PRDM6: variants seen among roughly 807,000 people sequenced by gnomAD.
PRDM6 encodes the protein putative histone-lysine N-methyltransferase PRDM6.
PRDM6 carries 25 observed loss-of-function variants against 60.8 expected under a neutral mutation model. The ratio of observed to expected loss-of-function variants is 0.41; its 90% CI spans 0.30 to 0.57. The LOEUF (loss-of-function observed/expected upper bound fraction) is 0.57. PRDM6 is among the 20% of genes least tolerant of loss of function. The pLI is 0.27. For missense variants in PRDM6, 839 were observed against 821.3 expected (o/e 1.02, Z -0.26); for synonymous variants, 407 against 357.4 (o/e 1.14, Z -1.57).
chr5:123,182,078 G>C (rs1766177825), intron 7 of PRDM6, among the ~76,000 whole-genome samples: 2 of 152,126 alleles, frequency 1.3e-5, no homozygotes, highest in South Asian at 4.1e-4. Context: ...CTAAAATCAA[G>C]TCTGTACTAT....
At position 123,171,006 on chromosome 5, in the gene PRDM6, C is replaced by T. The variant is rs1196565924; in HGVS notation, c.1394C>T (p.Ser465Leu). ...CCAACTTCCACAAGCCAGCTCCACT[C>T]GGAGTTCAGTGACTGGCATCTTTGG... ...ASPTSTSQLH[S>L]EFSDWHLWKC... The change falls in exon 6 of 8, where the codon TCG (serine) becomes TTG (leucine). Residue 465 changes from serine (S) to leucine (L), a missense_variant. By Grantham distance (145) the Ser-to-Leu change is moderately radical. Coordinates refer to ENST00000407847, the MANE Select transcript of PRDM6 (RefSeq NM_001136239.4). The T allele has an allele frequency of 7.1e-6, 11 of 1,551,932 alleles. No homozygotes were observed. In the East Asian group the frequency reaches 7.3e-5, roughly 10 times the overall value.
At chr5:123,134,393 C>G (rs1188670228) in intron 3 of PRDM6, among the ~76,000 whole-genome samples, 1 of 151,882 alleles carries the variant, frequency 6.6e-6, no homozygotes, top group South Asian at 2.1e-4. Flanking sequence ...TAGAAAAAAA[C>G]TGAGTAAAAA....
chr5:123,111,423 G>C (rs945988685), intron 3 of PRDM6, among the ~76,000 whole-genome samples: 2 of 152,216 alleles, frequency 1.3e-5, no homozygotes, highest in African/African-American at 4.8e-5. Flanking sequence ...CGCCGGCAGG[G>C]CGCGGTGGCT....
At chr5:123,109,183 A>G (rs1330715725) in intron 3 of PRDM6, among the ~76,000 whole-genome samples, 1 of 99,398 alleles carries the variant, frequency 1.0e-5, no homozygotes, top group Non-Finnish European at 2.1e-5. Context: ...CTTTTTATAC[A>G]TGAAAGTGTT....
chr5:123,174,425 C>A (rs576120563), intron 6 of PRDM6, among the ~76,000 whole-genome samples: 1 of 152,246 alleles, frequency 6.6e-6, no homozygotes, highest in Non-Finnish European at 1.5e-5. Context: ...GAAAATCTTG[C>A]TAGAACCAGG....
intron 5 of PRDM6, among the ~76,000 whole-genome samples, chr5:123,161,382 T>G (rs1362793454): frequency 6.6e-6 from 1 of 152,134 alleles, no homozygotes; most frequent in African/African-American, 2.4e-5. Flanking sequence ...TCAACAGATA[T>G]ATAAGTGAAT....
chr5:123,141,691 T>C (rs1765107086), intron 3 of PRDM6, among the ~76,000 whole-genome samples: 1 of 152,166 alleles, frequency 6.6e-6, no homozygotes, highest in Admixed American at 6.5e-5. Context: ...ATTTCTTCTG[T>C]ATTTAGCTAT....
chr5:123,179,731 G>C (rs1273241373), intron 6 of PRDM6, among the ~76,000 whole-genome samples: 1 of 138,316 alleles, frequency 7.2e-6, no homozygotes, highest in East Asian at 3.1e-4. Flanking sequence ...AGATTAAACT[G>C]GATAACTGAT....
rs1361162731 is a variant in PRDM6 at position 123,193,494 on chromosome 5, T to C, written c.*6293T>C. ...TTGTAGACTTACTTTCTCTGAACAA[T>C]CTAGTACACTTCTCTAGTTTCTCCC... is the stretch of plus-strand genomic sequence containing the variant. On this transcript the variant is annotated 3_prime_UTR_variant, in exon 8 of 8. Transcript: ENST00000407847. The C allele has an allele frequency of 2.0e-5, 3 of 152,174 alleles. No homozygotes were observed. Among genetic ancestry groups the C allele is most frequent in the African/African-American group, 4.8e-5 (2 of 41,436 alleles). The allele number at this position is 152,174 out of a possible 1,614,324, so 9.4% of individuals were successfully genotyped here. A position where few individuals can be genotyped will look rare whatever the true frequency, so the allele number is the denominator to read the frequency against.
chr5:123,147,127 CATTTGTAAATT>C (rs1414009391), intron 3 of PRDM6, among the ~76,000 whole-genome samples: 3 of 152,002 alleles, frequency 2.0e-5, no homozygotes, highest in African/African-American at 7.3e-5. Flanking sequence ...AAATTCATTT[CATTTGTAAATT>C]ATTTAATAGA....
chr5:123,160,096 G>C (rs1196933473), intron 5 of PRDM6, among the ~76,000 whole-genome samples: 1 of 152,150 alleles, frequency 6.6e-6, no homozygotes, highest in Non-Finnish European at 1.5e-5. Flanking sequence ...TAGTTGATTG[G>C]GTGTGCTTCC....
At chr5:123,155,456 G>A (rs1765471089) in intron 3 of PRDM6, among the ~76,000 whole-genome samples, 1 of 151,830 alleles carries the variant, frequency 6.6e-6, no homozygotes, top group Non-Finnish European at 1.5e-5. Context: ...TGAACAGACA[G>A]TTACTGCCTC....
rs1008847699 is a variant in PRDM6 at position 123,099,754 on chromosome 5, C to T, written c.693C>T (p.Ala231=). 1.6e-5 allele frequency: 25 copies of T among 1,546,190 alleles called. No individual in the cohort carries two copies. The highest frequency in any genetic ancestry group is 2.0e-5 in the Non-Finnish European group (23 of 1,145,046). Residue 231 remains alanine (A), a synonymous_variant, in exon 3 of 8, where the codon GCC becomes GCT. Transcript: ENST00000407847. The surrounding 1 kb of genome is among the most constrained non-coding windows in gnomAD (Gnocchi z 4.0). ...RLVGTSSAAA[A]APPPELPEWL... The stretch of plus-strand genomic sequence containing the variant: ...TGGGCACCAGCAGCGCTGCGGCCGC[C>T]GCGCCCCCGCCGGAGCTGCCGGAGT...
At chr5:123,120,140 T>A (rs534710497) in intron 3 of PRDM6, among the ~76,000 whole-genome samples, 21 of 152,130 alleles carry the variant, frequency 1.4e-4, no homozygotes, top group Non-Finnish European at 2.5e-4. Flanking sequence ...CCAAAAAGAT[T>A]TAAAGTGGGT....
chr5:123,154,976 A>G (rs145472304), intron 3 of PRDM6, among the ~76,000 whole-genome samples: 2 of 152,168 alleles, frequency 1.3e-5, no homozygotes, highest in African/African-American at 2.4e-5. Flanking sequence ...TCTAGATACC[A>G]TGTCTCCCTA....
At chr5:123,143,690 T>C (rs1172166996) in intron 3 of PRDM6, among the ~76,000 whole-genome samples, 1 of 152,164 alleles carries the variant, frequency 6.6e-6, no homozygotes, top group Non-Finnish European at 1.5e-5. Flanking sequence ...AGGAGCTTTA[T>C]TAGCCAGCCC....
At chr5:123,135,839 T>C (rs1764939750) in intron 3 of PRDM6, among the ~76,000 whole-genome samples, 1 of 152,176 alleles carries the variant, frequency 6.6e-6, no homozygotes, top group African/African-American at 2.4e-5. Context: ...GATACACAAA[T>C]ATTAAAATAA....
intron 3 of PRDM6, among the ~76,000 whole-genome samples, chr5:123,120,427 G>A (rs1764555586): frequency 6.6e-6 from 1 of 152,198 alleles, no homozygotes. Context: ...AGGGTGAGAG[G>A]TGTGGAGTTG....
Position 123,090,450 on chromosome 5 carries a change from G to T in PRDM6, c.436G>T (p.Gly146Trp). 6.8e-7 allele frequency: 1 copy of T among 1,463,650 alleles called. No individual in the cohort carries two copies. Among genetic ancestry groups the T allele is most frequent in the East Asian group, 3.0e-5 (1 of 33,476 alleles). 90.7% of individuals were successfully genotyped at this position (1,463,650 alleles called of 1,614,324 possible). Residue 146 changes from glycine to tryptophan, a missense_variant, in exon 2 of 8, where the codon GGG becomes TGG. Transcript: ENST00000407847. ...ELCLGATSGP[G>W]PVKCGGGGGG... ...GTGCCTCGGCGCCACCTCCGGCCCC[G>T]GGCCCGTCAAGTGCGGTGGTGGTGG...
Sources: gnomAD v4.1 joint callset for allele counts (sites outside exome capture counted in the v4.1 genomes callset) on GRCh38, gnomAD v4.1.1 for gene constraint, Gnocchi (gnomAD v3.1) non-coding constraint, MANE v1.5 for transcripts, NCBI Gene and HGNC (gene_info 2026-07-23, HGNC 2026-07-21) for gene names.